Variants in USP34 observed in about 807,000 individuals in gnomAD.
USP34 encodes ubiquitin specific peptidase 34.
USP34 carries 70 observed loss-of-function variants against 460.3 expected under a neutral mutation model. That is an observed-to-expected ratio of 0.15 (90% CI 0.13 to 0.19). The LOEUF (loss-of-function observed/expected upper bound fraction) is 0.19, where lower values mean the gene tolerates loss of function less well. Among genes scored for constraint, USP34 ranks in the 10% least tolerant of loss-of-function variants. The pLI is 1.00. For missense variants in USP34, 3,985 were observed against 4,236.2 expected (o/e 0.94, Z 1.65); for synonymous variants, 1,647 against 1,405.3 (o/e 1.17, Z -3.85).
intron 27 of USP34, among the ~76,000 whole-genome samples, chr2:61,303,740 G>A (rs1044364368): frequency 6.6e-6 from 1 of 151,906 alleles, no homozygotes. Flanking sequence ...GGGACTACAG[G>A]CGCCTGCCAC....
intron 6 of USP34, 32 bp from the exon 7 acceptor site, chr2:61,380,393 A>G: frequency 6.3e-7 from 1 of 1,575,830 alleles, no homozygotes; most frequent in Non-Finnish European, 8.6e-7. Flanking sequence ...AAATACACAA[A>G]AATTCATAAA....
chr2:61,217,845 C>T (rs538564492), intron 67 of USP34, among the ~76,000 whole-genome samples: 1 of 152,258 alleles, frequency 6.6e-6, no homozygotes, highest in South Asian at 2.1e-4. Context: ...ATCCCAGCTA[C>T]TCAGGAGGCT....
rs1162422205 is a variant in USP34, at chr2:61,221,597, G to A, written c.7804C>T (p.Pro2602Ser). 6.2e-7 allele frequency: 1 copy of A among 1,613,852 alleles called. No homozygotes were observed. The highest frequency in any genetic ancestry group is 1.1e-5 in the South Asian group (1 of 91,024). Residue 2602 changes from proline (P) to serine (S), a missense_variant, in exon 66 of 80, where the codon CCT becomes TCT. By Grantham distance (74) the Pro-to-Ser change is moderately conservative (BLOSUM62 -1). Around this residue, in one of 14 missense-constraint regions of USP34, gnomAD observed 604 missense variants for 684.8 expected, o/e 0.88. Transcript: ENST00000398571. ...IAKLTPEAAN[P>S]FFKLLTMLME... The stretch of plus-strand genomic sequence containing the variant: ...AGCATAGTCAACAACTTAAAGAAAG[G>A]ATTGGCTGCCTGTAAAACACATACA...
chr2:61,417,015 C>A, intron 2 of USP34: 1 of 1,324,820 alleles, frequency 7.5e-7, no homozygotes, highest in Non-Finnish European at 1.1e-6. Context: ...TGGTGAAGCC[C>A]CACTTCTTCC....
At chr2:61,407,539 G>A (rs1693913091) in intron 2 of USP34, among the ~76,000 whole-genome samples, 1 of 152,162 alleles carries the variant, frequency 6.6e-6, no homozygotes, top group African/African-American at 2.4e-5. Flanking sequence ...CCAATGCCCT[G>A]TATGATCATG....
chr2:61,191,390 TTATATA>T (rs60008357), intron 76 of USP34: 3 of 148,848 alleles, frequency 2.0e-5, no homozygotes, highest in African/African-American at 7.4e-5. Flanking sequence ...AAAATTTAGA[TTATATA>T]TATATATATA....
At chr2:61,241,440 CTT>C in intron 53 of USP34, 118 bp downstream of exon 53, 1 of 640,092 alleles carries the variant, frequency 1.6e-6, no homozygotes, top group East Asian at 3.0e-5. Flanking sequence ...TGTAAATACT[CTT>C]AAGATCTACT....
intron 67 of USP34, among the ~76,000 whole-genome samples, chr2:61,218,808 G>A (rs1250682578): frequency 6.6e-6 from 1 of 152,176 alleles, no homozygotes; most frequent in Non-Finnish European, 1.5e-5. Context: ...CACAAGAGAT[G>A]AAGTGCCCTT....
intron 1 of USP34, among the ~76,000 whole-genome samples, chr2:61,435,676 G>A (rs754637168): frequency 1.3e-5 from 2 of 152,118 alleles, no homozygotes; most frequent in Non-Finnish European, 1.5e-5. Flanking sequence ...AATGGCAGGA[G>A]TAAGTCCTCA....
chr2:61,323,381 G>A (rs1390332113), intron 21 of USP34, among the ~76,000 whole-genome samples: 1 of 152,118 alleles, frequency 6.6e-6, no homozygotes, highest in Non-Finnish European at 1.5e-5. Flanking sequence ...GGGTGTGGTG[G>A]TGGGCGCCTA....
At chr2:61,466,219 G>C (rs1695758544) in intron 1 of USP34, among the ~76,000 whole-genome samples, 1 of 151,928 alleles carries the variant, frequency 6.6e-6, no homozygotes, top group Non-Finnish European at 1.5e-5. Flanking sequence ...GAGTTCAAGA[G>C]TTCAAGACCA....
intron 47 of USP34, 38 bp downstream of exon 47, chr2:61,256,835 A>G: frequency 6.8e-7 from 1 of 1,475,352 alleles, no homozygotes; most frequent in South Asian, 1.4e-5. Context: ...AAATAGGTAA[A>G]AGCATAAAGT....
intron 1 of USP34, among the ~76,000 whole-genome samples, chr2:61,422,750 G>A (rs1030569729): frequency 2.0e-5 from 3 of 152,194 alleles, no homozygotes; most frequent in African/African-American, 7.2e-5. Context: ...GGTAATCCCA[G>A]CACTTTGGAA....
At chr2:61,419,843 C>A (rs1183658131) in intron 2 of USP34, among the ~76,000 whole-genome samples, 1 of 152,130 alleles carries the variant, frequency 6.6e-6, no homozygotes, top group Non-Finnish European at 1.5e-5. Flanking sequence ...CCTAATGCAA[C>A]AGCAACCACT....
chr2:61,301,806 CA>C (rs1291873268), intron 27 of USP34, among the ~76,000 whole-genome samples: 7 of 152,220 alleles, frequency 4.6e-5, no homozygotes, highest in African/African-American at 9.6e-5. Context: ...TCAAGTCTCT[CA>C]TCCAATGGGA....
chr2:61,412,454 A>G (rs1341706361), intron 2 of USP34, among the ~76,000 whole-genome samples: 2 of 152,146 alleles, frequency 1.3e-5, no homozygotes, highest in Non-Finnish European at 2.9e-5. Flanking sequence ...TAATGTATGC[A>G]AATACATATC....
intron 58 of USP34, among the ~76,000 whole-genome samples, chr2:61,232,088 T>C (rs916400464): frequency 2.0e-5 from 3 of 152,154 alleles, no homozygotes; most frequent in African/African-American, 7.2e-5. Context: ...GCCTTTTCAT[T>C]AGCTTTTGAG....
intron 41 of USP34, among the ~76,000 whole-genome samples, chr2:61,269,931 C>T (rs1230291307): frequency 6.6e-6 from 1 of 152,090 alleles, no homozygotes; most frequent in Non-Finnish European, 1.5e-5. Flanking sequence ...TTCAAATCCT[C>T]CCTTTTAGCT....
intron 1 of USP34, among the ~76,000 whole-genome samples, chr2:61,467,171 C>T (rs1016894396): frequency 3.3e-5 from 5 of 151,904 alleles, no homozygotes; most frequent in Non-Finnish European, 5.9e-5. Flanking sequence ...GGCATGGTGA[C>T]GTGTGCCTGT....
Sources: gnomAD v4.1 joint callset for allele counts (sites outside exome capture counted in the v4.1 genomes callset) on GRCh38, gnomAD v4.1.1 for gene constraint, gnomAD v4.1.1 regional missense constraint, MANE v1.5 for transcripts, NCBI Gene and HGNC (gene_info 2026-07-23, HGNC 2026-07-21) for gene names.